DOCK8: variants seen among roughly 807,000 people sequenced by gnomAD.
The protein encoded by DOCK8 is dedicator of cytokinesis 8.
A neutral mutation model predicts 245.6 loss-of-function variants in DOCK8; 141 were observed. That is an observed-to-expected ratio of 0.57 (90% confidence interval 0.50 to 0.66). DOCK8 has a LOEUF of 0.66. DOCK8 is among the 30% of genes least tolerant of loss of function. DOCK8 has a pLI of 0.00. For synonymous variants in DOCK8, 1,168 were observed against 970.2 expected (o/e 1.20, Z -3.79); for missense variants, 2,965 against 2,603.4 (o/e 1.14, Z -3.02).
chr9:273,531 G>C (rs1250125519), intron 2 of DOCK8, among the ~76,000 whole-genome samples: 1 of 152,134 alleles, frequency 6.6e-6, no homozygotes, highest in Non-Finnish European at 1.5e-5. Flanking sequence ...TTTAAACAAG[G>C]TAGAGGGTTT....
chr9:456,227 CCT>C (rs1428386760), intron 46 of DOCK8: 1 of 152,212 alleles, frequency 6.6e-6, no homozygotes, highest in African/African-American at 2.4e-5. Flanking sequence ...AGATGAGGTT[CCT>C]CTGTTGCTTA....
chr9:240,061 C>G (rs1052119754), intron 1 of DOCK8, among the ~76,000 whole-genome samples: 2 of 152,176 alleles, frequency 1.3e-5, no homozygotes, highest in Admixed American at 6.5e-5. Flanking sequence ...GAACCACAGA[C>G]TTAAAGGTCT....
chr9:428,240 A>C (rs1455635034), intron 34 of DOCK8, 122 bp from the exon 35 acceptor site: 1 of 1,509,632 alleles, frequency 6.6e-7, no homozygotes, highest in Non-Finnish European at 9.1e-7. Context: ...ATGGTGGCTC[A>C]CCAAACTCTT....
chr9:319,861 C>A (rs1298606076), intron 7 of DOCK8, among the ~76,000 whole-genome samples: 2 of 151,926 alleles, frequency 1.3e-5, no homozygotes, highest in Non-Finnish European at 1.5e-5. Context: ...AGATTTAATA[C>A]CATCTTATGA....
At chr9:339,896 T>C (rs1382272592) in intron 13 of DOCK8, among the ~76,000 whole-genome samples, 1 of 152,092 alleles carries the variant, frequency 6.6e-6, no homozygotes, top group Admixed American at 6.5e-5. Flanking sequence ...ACTGTGGTAA[T>C]TCAGGAAAGA....
intron 22 of DOCK8, among the ~76,000 whole-genome samples, chr9:384,784 C>T (rs12351432): frequency 0.053 from 8,021 of 152,118 alleles, 551 homozygotes; most frequent in African/African-American, 0.16. Flanking sequence ...GGCGTGGTGG[C>T]GGGCGCCTGT....
At chr9:326,677 G>A (rs1212972062) in intron 8 of DOCK8, among the ~76,000 whole-genome samples, 3 of 152,156 alleles carry the variant, frequency 2.0e-5, no homozygotes, top group Admixed American at 6.5e-5. Context: ...TCTGTTCCAC[G>A]CAGCCACTCA....
chr9:317,209 C>T (rs1410336705), intron 7 of DOCK8, 81 bp downstream of exon 7: 3 of 1,184,466 alleles, frequency 2.5e-6, no homozygotes, highest in Admixed American at 3.7e-5. Flanking sequence ...ATTATCAGAG[C>T]TTGAATCAAA....
intron 39 of DOCK8, among the ~76,000 whole-genome samples, chr9:437,771 T>G (rs2056952914): frequency 6.6e-6 from 1 of 152,228 alleles, no homozygotes; most frequent in African/African-American, 2.4e-5. Flanking sequence ...TCACTGAAAT[T>G]CTGTGTCCCA....
At position 271,743 on chromosome 9, in the gene DOCK8, C is replaced by A; in HGVS notation, c.156+14C>A. The A allele has an allele frequency of 6.5e-7, 1 of 1,535,580 alleles. No homozygotes were observed. The highest frequency in any genetic ancestry group is 8.8e-7 in the Non-Finnish European group (1 of 1,132,624). On this transcript the variant is annotated intron_variant, in intron 2 of 47. Coordinates refer to ENST00000432829, the MANE Select transcript of DOCK8 (RefSeq NM_203447.4). ...TCTCTTCAACTAGTAAGTATGAGTTCCAGGTTTACTTAGCGATTGGTCAAG... is the reference window on the plus strand; with the variant it reads ...TCTCTTCAACTAGTAAGTATGAGTTACAGGTTTACTTAGCGATTGGTCAAG...
At chr9:422,168 C>T (rs369266511) in intron 33 of DOCK8, 33 bp downstream of exon 33, 4 of 1,577,216 alleles carry the variant, frequency 2.5e-6, no homozygotes, top group South Asian at 1.1e-5. Context: ...GCTACTTTTA[C>T]CTAAAGTCCA....
intron 26 of DOCK8, among the ~76,000 whole-genome samples, chr9:401,072 A>T (rs1180193611): frequency 5.5e-5 from 1 of 18,044 alleles, no homozygotes; most frequent in East Asian, 2.0e-3. Context: ...TGTCACCATC[A>T]TCACCACCAC....
intron 14 of DOCK8, among the ~76,000 whole-genome samples, chr9:353,668 G>A (rs1489745682): frequency 6.6e-6 from 1 of 152,016 alleles, no homozygotes; most frequent in East Asian, 1.9e-4. Flanking sequence ...GTTCTGTCTG[G>A]TGGCCTCAAA....
intron 14 of DOCK8, among the ~76,000 whole-genome samples, chr9:344,584 T>C (rs374865940): frequency 1.5e-4 from 23 of 152,260 alleles, no homozygotes; most frequent in Admixed American, 5.2e-4. Context: ...TTCTGTCCAT[T>C]TTCCTCTCTT....
At chr9:448,467 G>C (rs925655753) in intron 44 of DOCK8, among the ~76,000 whole-genome samples, 1 of 152,170 alleles carries the variant, frequency 6.6e-6, no homozygotes, top group Admixed American at 6.6e-5. Flanking sequence ...TCAGCTGTTT[G>C]CTAGGGCTGT....
At chr9:450,592 G>A (rs2131872415) in intron 45 of DOCK8, among the ~76,000 whole-genome samples, 1 of 152,162 alleles carries the variant, frequency 6.6e-6, no homozygotes, top group South Asian at 2.1e-4. Context: ...CACTTCCACG[G>A]CAGTTATTCA....
In DOCK8 at chr9:432,271, T is replaced by A. The variant is rs1363343629; in HGVS notation, c.4732T>A (p.Leu1578Met). 2 of 1,614,050 alleles carry A rather than the reference T, an allele frequency of 1.2e-6. No individual in the cohort carries two copies. The highest frequency in any genetic ancestry group is 4.5e-5 in the East Asian group (2 of 44,868). ...CCTGAGAAGATCCTTGAGGACAATT[T>A]TGGCCTATTCAGAAGAGGACACAGC... ...EHLRRSLRTILAYSEEDTAMQ... is the reference protein window; with the variant it reads ...EHLRRSLRTIMAYSEEDTAMQ... Residue 1578 changes from leucine to methionine, a missense_variant, in exon 37 of 48, where the codon TTG becomes ATG. Around this residue, in one of 3 missense-constraint regions of DOCK8, gnomAD observed 2,825 missense variants for 2,453.5 expected, o/e 1.15. Coordinates refer to ENST00000432829, the MANE Select transcript of DOCK8 (RefSeq NM_203447.4).
intron 42 of DOCK8, among the ~76,000 whole-genome samples, chr9:443,119 T>C (rs2057144912): frequency 6.6e-6 from 1 of 152,170 alleles, no homozygotes; most frequent in African/African-American, 2.4e-5. Context: ...ACTTCCAAGT[T>C]CCCAGGGTAC....
chr9:293,462 A>T (rs2049130663), intron 4 of DOCK8, among the ~76,000 whole-genome samples: 1 of 152,240 alleles, frequency 6.6e-6, no homozygotes, highest in Non-Finnish European at 1.5e-5. Flanking sequence ...AAGGACAAGG[A>T]GAAGGTGGTG....
Sources: allele counts gnomAD v4.1 joint callset (sites outside exome capture counted in the v4.1 genomes callset), GRCh38; gene constraint gnomAD v4.1.1; regional missense constraint gnomAD v4.1.1; transcripts MANE v1.5; gene names NCBI Gene and HGNC (gene_info 2026-07-23, HGNC 2026-07-21).